NCOR2: variants seen among roughly 807,000 people sequenced by gnomAD.
NCOR2 encodes the protein nuclear receptor corepressor 2.
A neutral mutation model predicts 262.9 loss-of-function variants in NCOR2; 81 were observed. That is an observed-to-expected ratio of 0.31 (90% CI 0.26 to 0.37). The LOEUF is 0.37. Among genes scored for constraint, NCOR2 ranks in the 10% least tolerant of loss-of-function variants. The pLI is 1.00. For missense variants in NCOR2, 3,385 were observed against 3,621.4 expected, an observed-to-expected ratio of 0.93 and a Z score of 1.68; for synonymous variants, 1,659 against 1,559.3, an observed-to-expected ratio of 1.06 and a Z score of -1.51.
intron 7 of NCOR2, among the ~76,000 whole-genome samples, chr12:124,448,161 G>A (rs1233160781): frequency 6.6e-6 from 1 of 152,198 alleles, no homozygotes. Flanking sequence ...ATGAATGAGG[G>A]AATGCCCCAA....
intron 17 of NCOR2, among the ~76,000 whole-genome samples, chr12:124,380,740 C>G (rs1437202815): frequency 6.6e-6 from 1 of 152,040 alleles, no homozygotes. Context: ...TCCTGTCGGC[C>G]TGGTGGTGGC....
At chr12:124,325,992 G>A in intron 46 of NCOR2, 199 bp downstream of exon 48, 1 of 557,776 alleles carries the variant, frequency 1.8e-6, no homozygotes, top group Non-Finnish European at 2.9e-6. Flanking sequence ...CTTTTCCTCT[G>A]CCTGTGCCCC....
In NCOR2 at chr12:124,355,252, C is replaced by T. The variant is rs2135918897; in HGVS notation, c.3381+180G>A. ...CCTTGACTGCAATACAGAGTGACCCCCCAGGGACGAGGCCCTGAGTGCCTG... is the reference window on the plus strand; with the variant it reads ...CCTTGACTGCAATACAGAGTGACCCTCCAGGGACGAGGCCCTGAGTGCCTG... On this transcript the variant is annotated intron_variant, in intron 24 of 46. Coordinates refer to ENST00000405201, the Ensembl canonical transcript of NCOR2. 4 of 714,534 alleles carry T rather than the reference C, an allele frequency of 5.6e-6. No homozygotes were observed. In the East Asian group the frequency reaches 1.1e-4, roughly 20 times the overall value. The allele number at this position is 714,534 out of a possible 1,614,324, so 44.3% of individuals were successfully genotyped here.
At chr12:124,359,700 T>C (rs763589192) in intron 22 of NCOR2, among the ~76,000 whole-genome samples, 1 of 152,208 alleles carries the variant, frequency 6.6e-6, no homozygotes, top group Non-Finnish European at 1.5e-5. Flanking sequence ...AGCTGTTCGA[T>C]GCTGGAAGGC....
At chr12:124,346,784 C>T (rs372172146) in exon 31 of NCOR2, 217 of 1,563,502 alleles carry the variant, frequency 1.4e-4, no homozygotes, top group Non-Finnish European at 1.7e-4. Flanking sequence ...CGTGCCCTCC[C>T]GCTTTAGGAG....
intron 25 of NCOR2, 103 bp downstream of exon 27, chr12:124,354,734 C>T (rs1371962881): frequency 2.3e-6 from 3 of 1,320,018 alleles, no homozygotes; most frequent in African/African-American, 1.5e-5. Flanking sequence ...CCAGCTGCTA[C>T]CTGGAGTACC....
At chr12:124,388,665 C>A (rs895421884) in intron 16 of NCOR2, 15 of 1,304,298 alleles carry the variant, frequency 1.2e-5, no homozygotes, top group Non-Finnish European at 1.4e-5. Context: ...CCCATCCCCT[C>A]CCCAGGACCA....
At chr12:124,428,304 G>A (rs960190188) in intron 10 of NCOR2, among the ~76,000 whole-genome samples, 10 of 152,246 alleles carry the variant, frequency 6.6e-5, no homozygotes, top group Non-Finnish European at 1.2e-4. Context: ...TGTGCAATGC[G>A]ATGGCTTTCT....
At chr12:124,397,740 G>A (rs1351583749) in intron 16 of NCOR2, among the ~76,000 whole-genome samples, 1 of 152,124 alleles carries the variant, frequency 6.6e-6, no homozygotes, top group Non-Finnish European at 1.5e-5. Context: ...CGAGATGGCC[G>A]CCGGCAAGCT....
At chr12:124,556,600 C>A (rs912121693) in intron 1 of NCOR2, among the ~76,000 whole-genome samples, 4 of 152,206 alleles carry the variant, frequency 2.6e-5, no homozygotes, top group Non-Finnish European at 5.9e-5. Context: ...TGGCTCACGC[C>A]TGTAATCCCA....
At chr12:124,463,457 T>G (rs1463298491) in intron 5 of NCOR2, among the ~76,000 whole-genome samples, 3 of 152,206 alleles carry the variant, frequency 2.0e-5, no homozygotes, top group African/African-American at 2.4e-5. Context: ...CTGCCATCTG[T>G]GCACACCTGC....
At chr12:124,540,014 G>A (rs1430231494), upstream of NCOR2, among the ~76,000 whole-genome samples, 1 of 152,034 alleles carries the variant, frequency 6.6e-6, no homozygotes, top group Non-Finnish European at 1.5e-5. Flanking sequence ...ACCTTCAGCT[G>A]CTCAACAAAC....
intron 1 of NCOR2, among the ~76,000 whole-genome samples, chr12:124,528,426 A>C (rs2050599416): frequency 6.6e-6 from 1 of 152,202 alleles, no homozygotes; most frequent in African/African-American, 2.4e-5. Context: ...AAAAAGGAGA[A>C]GGAGGCCCCC....
intron 1 of NCOR2, among the ~76,000 whole-genome samples, chr12:124,547,720 G>A (rs896661380): frequency 2.6e-5 from 4 of 152,012 alleles, no homozygotes; most frequent in African/African-American, 7.2e-5. Flanking sequence ...TGTCTCCATG[G>A]GTTTGCCTGT....
intron 1 of NCOR2, among the ~76,000 whole-genome samples, chr12:124,560,728 G>A (rs1037783226): frequency 6.6e-6 from 1 of 152,220 alleles, no homozygotes; most frequent in African/African-American, 2.4e-5. Context: ...AGCTGTGACT[G>A]CCTCGGGGAA....
At chr12:124,537,988 C>T (rs1432403648), upstream of NCOR2, 1 of 152,386 alleles carries the variant, frequency 6.6e-6, no homozygotes, top group East Asian at 1.9e-4. Flanking sequence ...CCGCCCTCCC[C>T]AGCTCCCGGA....
At chr12:124,453,498 G>A (rs1291055208) in intron 6 of NCOR2, among the ~76,000 whole-genome samples, 1 of 152,172 alleles carries the variant, frequency 6.6e-6, no homozygotes, top group Non-Finnish European at 1.5e-5. Flanking sequence ...GGGAGCAGGT[G>A]CCAGACGCAG....
At chr12:124,339,768 C>T (rs1593122156) in intron 37 of NCOR2, among the ~76,000 whole-genome samples, 1 of 137,718 alleles carries the variant, frequency 7.3e-6, no homozygotes, top group African/African-American at 2.6e-5. Context: ...CGACCACCCC[C>T]CCATCCATCC....
At chr12:124,395,608 C>T (rs546725931) in intron 16 of NCOR2, among the ~76,000 whole-genome samples, 1 of 152,318 alleles carries the variant, frequency 6.6e-6, no homozygotes, top group South Asian at 2.1e-4. Context: ...GAGTCATCCC[C>T]AGCCGTCCTC....
Sources: gnomAD v4.1 joint callset for allele counts (sites outside exome capture counted in the v4.1 genomes callset) on GRCh38, gnomAD v4.1.1 for gene constraint, MANE v1.5 for transcripts, NCBI Gene and HGNC (gene_info 2026-07-23, HGNC 2026-07-21) for gene names.